PRKN: variants seen among roughly 807,000 people sequenced by gnomAD.
The protein encoded by PRKN is parkin RBR E3 ubiquitin protein ligase.
A neutral mutation model predicts 59.5 loss-of-function variants in PRKN; 56 were observed. That is an observed-to-expected ratio of 0.94 (90% CI 0.76 to 1.18). The LOEUF is 1.18. Among genes scored for constraint, PRKN ranks in the 50% most tolerant of loss-of-function variants. The pLI, the probability that PRKN is intolerant of heterozygous loss-of-function variation, is 0.00. For missense variants in PRKN, 657 were observed against 596.4 expected (o/e 1.10, Z -1.06); for synonymous variants, 250 against 222.1 (o/e 1.13, Z -1.12).
chr6:162,560,737 T>C (rs1008395759), intron 1 of PRKN, among the ~76,000 whole-genome samples: 1 of 151,746 alleles, frequency 6.6e-6, no homozygotes, highest in Non-Finnish European at 1.5e-5. Context: ...AAAATATCCA[T>C]TGCCAACATA....
chr6:161,609,520 T>G (rs1049293707), intron 7 of PRKN, among the ~76,000 whole-genome samples: 7 of 152,168 alleles, frequency 4.6e-5, no homozygotes, highest in African/African-American at 1.7e-4. Context: ...TATTTAACAC[T>G]AAATGACAAA....
chr6:162,501,041 C>A (rs1327980847), intron 1 of PRKN, among the ~76,000 whole-genome samples: 1 of 152,084 alleles, frequency 6.6e-6, no homozygotes, highest in African/African-American at 2.4e-5. Flanking sequence ...GTGTTGAATG[C>A]CTGTAGTACC....
intron 4 of PRKN, among the ~76,000 whole-genome samples, chr6:162,087,509 T>G (rs1383772884): frequency 6.6e-6 from 1 of 151,938 alleles, no homozygotes. Context: ...CGCTAGGCAC[T>G]GTGCTTCCCT....
intron 1 of PRKN, among the ~76,000 whole-genome samples, chr6:162,563,258 C>T (rs894730976): frequency 2.0e-5 from 3 of 151,572 alleles, no homozygotes; most frequent in Non-Finnish European, 2.9e-5. Context: ...GAGCTGAGAT[C>T]GCGCCACTGC....
intron 1 of PRKN, among the ~76,000 whole-genome samples, chr6:162,515,819 A>G (rs1460918522): frequency 6.6e-6 from 1 of 152,194 alleles, no homozygotes; most frequent in Non-Finnish European, 1.5e-5. Flanking sequence ...GATAAAGAAG[A>G]CTGAGTTCTT....
At chr6:162,068,660 A>T (rs1250291828) in intron 4 of PRKN, among the ~76,000 whole-genome samples, 1 of 152,180 alleles carries the variant, frequency 6.6e-6, no homozygotes, top group Non-Finnish European at 1.5e-5. Context: ...CATCAAGTCA[A>T]CAAGGAGAGG....
chr6:162,577,451 T>G (rs1780606359), intron 1 of PRKN, among the ~76,000 whole-genome samples: 1 of 151,460 alleles, frequency 6.6e-6, no homozygotes, highest in African/African-American at 2.4e-5. Context: ...AATACAAAAA[T>G]TATTCAGGTC....
At chr6:162,107,420 G>A (rs369068780) in intron 4 of PRKN, among the ~76,000 whole-genome samples, 36 of 152,264 alleles carry the variant, frequency 2.4e-4, no homozygotes, top group African/African-American at 8.4e-4. Context: ...AGCCGAGATC[G>A]CACCTCTGTA....
intron 1 of PRKN, among the ~76,000 whole-genome samples, chr6:162,579,635 T>G (rs1444068083): frequency 6.6e-6 from 1 of 150,880 alleles, no homozygotes; most frequent in African/African-American, 2.4e-5. Flanking sequence ...ACACACAAAT[T>G]CACACAGATT....
chr6:161,831,471 A>C, intron 6 of PRKN, among the ~76,000 whole-genome samples: 1 of 152,212 alleles, frequency 6.6e-6, no homozygotes, highest in Non-Finnish European at 1.5e-5. Context: ...CACCTTGACA[A>C]GTCAACTGAC....
At chr6:162,087,419 T>C (rs1437717982) in intron 4 of PRKN, among the ~76,000 whole-genome samples, 2 of 151,980 alleles carry the variant, frequency 1.3e-5, no homozygotes, top group African/African-American at 4.8e-5. Flanking sequence ...TTGAAGTTCA[T>C]CAAAATAGAT....
chr6:161,461,980 C>T lies in PRKN; in HGVS notation c.1084-75103G>A, dbSNP rs1422261387. Among the ~76,000 whole-genome samples, 3 of 152,066 alleles carry T rather than the reference C, an allele frequency of 2.0e-5. No homozygotes were observed. The highest frequency in any genetic ancestry group is 1.3e-4 in the Admixed American group (2 of 15,274). ...CAGCGGTTAAAGGGCAGGTGGAAGA[C>T]TAGCTTGCAATGTGGGCTGTGAAGG... On this transcript the variant is annotated intron_variant, in intron 9 of 11. Coordinates refer to ENST00000366898, the MANE Select transcript of PRKN (RefSeq NM_004562.3). The surrounding 1 kb of genome is among the most constrained non-coding windows in gnomAD (Gnocchi z 5.1).
Position 161,877,891 on chromosome 6 carries a change from G to A in PRKN, c.735-91983C>T, listed in dbSNP as rs78955723. ...CTTGTAAGGTCCCCTAAATTCCCCC[G>A]TGTAGACAGTGACACACTCCCATAT... On this transcript the variant is annotated intron_variant, in intron 6 of 11. Transcript: ENST00000366898. 4.7e-3 allele frequency among the ~76,000 whole-genome samples: 719 copies of A among 152,174 alleles called. 2 individuals are homozygous for A. Among genetic ancestry groups the A allele is most frequent in the Non-Finnish European group, 8.8e-3 (598 of 68,010 alleles).
At chr6:162,291,164 T>A (rs893305519) in intron 2 of PRKN, among the ~76,000 whole-genome samples, 6 of 152,154 alleles carry the variant, frequency 3.9e-5, no homozygotes, top group African/African-American at 7.2e-5. Flanking sequence ...AGGGTTATCA[T>A]CATAAATCAT....
At chr6:162,195,016 AC>A (rs1169020612) in intron 4 of PRKN, among the ~76,000 whole-genome samples, 2 of 152,168 alleles carry the variant, frequency 1.3e-5, no homozygotes, top group Admixed American at 6.5e-5. Context: ...CACGGGGGCC[AC>A]CCTGGCTTTG....
intron 7 of PRKN, among the ~76,000 whole-genome samples, chr6:161,703,839 C>CTCTTTTTTTTTTT (rs1786363902): frequency 1.7e-5 from 1 of 59,842 alleles, no homozygotes; most frequent in African/African-American, 6.0e-5. Context: ...CTCTCTCTCT[C>CTCTTTTTTTTTTT]TTTTTTTTTT....
intron 2 of PRKN, among the ~76,000 whole-genome samples, chr6:162,429,977 G>A (rs1231451880): frequency 6.6e-6 from 1 of 152,110 alleles, no homozygotes; most frequent in Non-Finnish European, 1.5e-5. Context: ...AGTAGTGCCA[G>A]ACCTTTGCAT....
chr6:162,064,849 G>A (rs1472534405), intron 4 of PRKN, among the ~76,000 whole-genome samples: 3 of 152,204 alleles, frequency 2.0e-5, no homozygotes, highest in Non-Finnish European at 2.9e-5. Context: ...GAAGAAGGAC[G>A]AGTCCCCAGA....
intron 7 of PRKN, among the ~76,000 whole-genome samples, chr6:161,713,431 G>A (rs1786836650): frequency 6.6e-6 from 1 of 152,114 alleles, no homozygotes; most frequent in Non-Finnish European, 1.5e-5. Flanking sequence ...GGCCAATCTG[G>A]AGGCTCTCTA....
Sources: gnomAD v4.1 joint callset for allele counts (sites outside exome capture counted in the v4.1 genomes callset) on GRCh38, gnomAD v4.1.1 for gene constraint, Gnocchi (gnomAD v3.1) non-coding constraint, MANE v1.5 for transcripts, NCBI Gene and HGNC (gene_info 2026-07-23, HGNC 2026-07-21) for gene names.